Variants in SRI observed in about 807,000 individuals in gnomAD.
SRI encodes sorcin, also known as 22 kDa protein.
In SRI, 30 loss-of-function variants were observed where a neutral mutation model predicts 33.3. The observed-to-expected ratio is 0.90, with a 90% CI of 0.67 to 1.22. The LOEUF (loss-of-function observed/expected upper bound fraction) is 1.22, where lower values mean the gene tolerates loss of function less well. SRI is among the 50% of genes most tolerant of loss of function. The pLI is 0.00. For missense variants in SRI, 243 were observed against 250.8 expected, an observed-to-expected ratio of 0.97 and a Z score of 0.21; for synonymous variants, 75 against 89.9, an observed-to-expected ratio of 0.83 and a Z score of 0.94.
chr7:88,220,937 T>C (rs43102), upstream of SRI, among the ~76,000 whole-genome samples: 38,198 of 152,160 alleles, frequency 0.25, 5,776 homozygotes, highest in East Asian at 0.75. Flanking sequence ...TTTTCTATCT[T>C]CCAGTTGAAT....
rs1851844090 is a variant in SRI, at chr7:88,219,959, G to A, written c.51+17C>T. 6.5e-7 allele frequency: 1 copy of A among 1,539,040 alleles called. No individual in the cohort carries two copies. The highest frequency in any genetic ancestry group is 8.7e-7 in the Non-Finnish European group (1 of 1,145,636). On this transcript the variant is annotated intron_variant, in intron 1 of 7. Coordinates refer to ENST00000265729, the MANE Select transcript of SRI (RefSeq NM_003130.4). ...CCGGAGCCGCCTGGGCCGCGATCCC[G>A]CGCAGTCAGCACTTACCCCGCCTGG...
chr7:88,214,999 C>T (rs2115779416), intron 3 of SRI: 2 of 465,132 alleles, frequency 4.3e-6, no homozygotes, highest in Non-Finnish European at 8.5e-6. Context: ...CAACTTCTCT[C>T]ACCAACTCCA....
Position 88,205,365 on chromosome 7 carries a change from T to C in SRI, c.*1113A>G, listed in dbSNP as rs1343091478. On this transcript the variant is annotated 3_prime_UTR_variant, in exon 8 of 8. Transcript: ENST00000265729. ...CATATTCAGAACTACTCCCAAGAGA[T>C]AACATATTATCTCCTTTTCAAAGAT... The C allele has an allele frequency of 1.3e-5, 2 of 152,222 alleles. No homozygotes were observed. Among genetic ancestry groups the C allele is most frequent in the African/African-American group, 2.4e-5 (1 of 41,460 alleles). The allele number at this position is 152,222 out of a possible 1,614,324, so 9.4% of individuals were successfully genotyped here.
chr7:88,216,131 C>A (rs1851706358), intron 3 of SRI, among the ~76,000 whole-genome samples: 1 of 152,154 alleles, frequency 6.6e-6, no homozygotes, highest in African/African-American at 2.4e-5. Flanking sequence ...GTGCATGCCA[C>A]CATGCCTGGC....
At chr7:88,215,652 A>G (rs1242712880) in intron 3 of SRI, among the ~76,000 whole-genome samples, 1 of 152,258 alleles carries the variant, frequency 6.6e-6, no homozygotes, top group African/African-American at 2.4e-5. Flanking sequence ...GTAATAGGAT[A>G]CTAAAGTCAC....
intron 3 of SRI, 88 bp downstream of exon 3, chr7:88,217,034 A>G: frequency 8.4e-7 from 1 of 1,193,912 alleles, no homozygotes; most frequent in Non-Finnish European, 1.3e-6. Context: ...CGACAAGCTC[A>G]GTTTTCTTGA....
intron 2 of SRI, among the ~76,000 whole-genome samples, chr7:88,218,132 G>A (rs1362839712): frequency 6.6e-6 from 1 of 152,172 alleles, no homozygotes; most frequent in African/African-American, 2.4e-5. Flanking sequence ...TCCTCTGGAC[G>A]TGTCTGGGTT....
At chr7:88,225,061 G>T (rs914314810) in intron 1 of SRI, among the ~76,000 whole-genome samples, 3 of 152,182 alleles carry the variant, frequency 2.0e-5, no homozygotes, top group Admixed American at 2.0e-4. Context: ...GCCTGGAATA[G>T]GCATGATAAG....
Position 88,209,322 on chromosome 7 carries a change from G to C in SRI, c.511+17C>G. 8.8e-6 allele frequency: 14 copies of C among 1,595,500 alleles called. No homozygotes were observed. The highest frequency in any genetic ancestry group is 1.1e-5 in the Non-Finnish European group (13 of 1,163,378). Reference sequence around the variant, plus strand: ...GTGTCTTGGCTTGTGGTGATGACACGACCTTATAGAACTCACCTGTAAGAG... The same window carrying C: ...GTGTCTTGGCTTGTGGTGATGACACCACCTTATAGAACTCACCTGTAAGAG... On this transcript the variant is annotated intron_variant, in intron 6 of 7. Transcript: ENST00000265729.
chr7:88,219,338 G>A (rs1586721087), intron 1 of SRI: 2 of 288,932 alleles, frequency 6.9e-6, no homozygotes, highest in African/African-American at 2.2e-5. Context: ...GCTGGAGTTG[G>A]TAACATTCTG....
chr7:88,226,203 A>AT (rs1210639192), intron 1 of SRI, among the ~76,000 whole-genome samples: 1 of 152,034 alleles, frequency 6.6e-6, no homozygotes, highest in Non-Finnish European at 1.5e-5. Context: ...ACCTAGGTCT[A>AT]TTTTTTCATA....
chr7:88,214,862 AACAT>A (rs1158494193), intron 3 of SRI: 1 of 1,262,332 alleles, frequency 7.9e-7, no homozygotes, highest in Non-Finnish European at 1.0e-6. Flanking sequence ...TTCTCACAGA[AACAT>A]ACAATATAAT....
At chr7:88,214,098 C>T (rs1851648789) in intron 3 of SRI, among the ~76,000 whole-genome samples, 1 of 152,070 alleles carries the variant, frequency 6.6e-6, no homozygotes, top group South Asian at 2.1e-4. Context: ...CAGAAAGTAC[C>T]AGAAGGGATT....
chr7:88,217,039 T>C (rs1851740483), intron 3 of SRI, 83 bp downstream of exon 3: 1 of 1,268,112 alleles, frequency 7.9e-7, no homozygotes, highest in South Asian at 1.2e-5. Flanking sequence ...AGCTCAGTTT[T>C]CTTGAAGGCT....
chr7:88,206,109 A>G lies in SRI; in HGVS notation c.*369T>C. 4.1e-6 allele frequency: 1 copy of G among 243,512 alleles called. No individual in the cohort carries two copies. Among genetic ancestry groups the G allele is most frequent in the South Asian group, 5.7e-5 (1 of 17,468 alleles). 15.1% of individuals were successfully genotyped at this position (243,512 alleles called of 1,614,324 possible). On this transcript the variant is annotated 3_prime_UTR_variant, in exon 8 of 8. Coordinates refer to ENST00000265729, the MANE Select transcript of SRI (RefSeq NM_003130.4). ...TTTTTATGTGTGGAGTATTCTTTGT[A>G]GGAGAGGAAAGATAACAGCTGTAGT...
chr7:88,206,593 T>A, intron 7 of SRI, 89 bp from the exon 8 acceptor site: 1 of 1,473,318 alleles, frequency 6.8e-7, no homozygotes, highest in Non-Finnish European at 9.5e-7. Context: ...GTTTTCTAAT[T>A]TGAACACGGG....
intron 7 of SRI, 74 bp from the exon 8 acceptor site, chr7:88,206,578 A>G (rs1851443211): frequency 3.2e-6 from 5 of 1,579,054 alleles, no homozygotes; most frequent in African/African-American, 2.7e-5. Context: ...GGCAGCTTAC[A>G]TTTGGTTTTC....
chr7:88,216,602 CA>C (rs1851722853), intron 3 of SRI: 1 of 156,200 alleles, frequency 6.4e-6, no homozygotes, highest in African/African-American at 2.4e-5. Flanking sequence ...TGGCAAATAA[CA>C]GTAAATATCA....
At position 88,217,018 on chromosome 7, in the gene SRI, T is replaced by A. The variant is rs1851737904; in HGVS notation, c.205+104A>T. On this transcript the variant is annotated intron_variant, in intron 3 of 7. Transcript: ENST00000265729. Reference sequence around the variant, plus strand: ...TAGCTTTCGGAATTCTAAACTTTGCTAGATCCGACAAGCTCAGTTTTCTTG... The same window carrying A: ...TAGCTTTCGGAATTCTAAACTTTGCAAGATCCGACAAGCTCAGTTTTCTTG... 6.7e-6 allele frequency: 7 copies of A among 1,050,620 alleles called. No individual in the cohort carries two copies. The South Asian group carries it at 7.6e-5, about 11-fold the overall frequency. 65.1% of individuals were successfully genotyped at this position (1,050,620 alleles called of 1,614,324 possible). A position where few individuals can be genotyped will look rare whatever the true frequency, so the allele number is the denominator to read the frequency against.
Sources: gnomAD v4.1 joint callset for allele counts (sites outside exome capture counted in the v4.1 genomes callset) on GRCh38, gnomAD v4.1.1 for gene constraint, MANE v1.5 for transcripts, NCBI Gene and HGNC (gene_info 2026-07-23, HGNC 2026-07-21) for gene names.